The following RORA variants were observed in gnomAD, a reference collection of about 807,000 sequenced individuals.
RORA encodes RAR related orphan receptor A.
In RORA, 7 loss-of-function variants were observed where a neutral mutation model predicts 69.5. That is an observed-to-expected ratio of 0.10 (90% CI 0.06 to 0.19). RORA has a LOEUF of 0.19. Ranked by LOEUF, RORA falls within the 10% of genes least tolerant of loss-of-function variation. The pLI is 1.00. For synonymous variants in RORA, 261 were observed against 240.8 expected (o/e 1.08, Z -0.78); for missense variants, 457 against 663.0 (o/e 0.69, Z 3.41).
At chr15:61,068,823 A>T (rs2078299897) in intron 1 of RORA, among the ~76,000 whole-genome samples, 2 of 152,222 alleles carry the variant, frequency 1.3e-5, no homozygotes, top group Non-Finnish European at 2.9e-5. Flanking sequence ...ACAAGCAGTT[A>T]AAACCATTTC....
At chr15:61,060,372 A>T (rs766210777) in intron 1 of RORA, among the ~76,000 whole-genome samples, 6 of 152,170 alleles carry the variant, frequency 3.9e-5, no homozygotes, top group Non-Finnish European at 7.4e-5. Flanking sequence ...GAGTTAATGC[A>T]TTGCAGGAAC....
At chr15:60,542,789 T>C (rs551817864) in intron 2 of RORA, among the ~76,000 whole-genome samples, 1 of 151,916 alleles carries the variant, frequency 6.6e-6, no homozygotes, top group Admixed American at 6.6e-5. Flanking sequence ...CTGCAAGTCC[T>C]GCCTCCACTT....
intron 2 of RORA, among the ~76,000 whole-genome samples, chr15:60,636,183 C>T (rs1470426674): frequency 6.6e-6 from 1 of 152,198 alleles, no homozygotes; most frequent in East Asian, 1.9e-4. Context: ...CACTTCTTCC[C>T]TTTCCTGAAC....
At chr15:60,710,056 T>C (rs374803544) in intron 1 of RORA, among the ~76,000 whole-genome samples, 3 of 152,136 alleles carry the variant, frequency 2.0e-5, no homozygotes, top group African/African-American at 7.2e-5. Context: ...GTTTTTACCT[T>C]GGTTTCACTG....
intron 1 of RORA, among the ~76,000 whole-genome samples, chr15:61,008,453 C>T (rs1425338029): frequency 2.6e-5 from 4 of 151,998 alleles, no homozygotes; most frequent in Non-Finnish European, 4.4e-5. Flanking sequence ...TGATCAAGAA[C>T]GCATGAACAG....
At chr15:61,024,533 C>CG (rs1319373045) in intron 1 of RORA, among the ~76,000 whole-genome samples, 2 of 151,488 alleles carry the variant, frequency 1.3e-5, no homozygotes, top group Non-Finnish European at 2.9e-5. Flanking sequence ...TCATTGTAAC[C>CG]TCCACCTCCT....
intron 1 of RORA, among the ~76,000 whole-genome samples, chr15:60,931,490 G>T (rs1410345569): frequency 6.6e-6 from 1 of 152,242 alleles, no homozygotes; most frequent in Non-Finnish European, 1.5e-5. Flanking sequence ...CCAGACTCCT[G>T]CAGTCTTTCA....
At chr15:60,581,630 CT>C (rs1426214923) in intron 2 of RORA, among the ~76,000 whole-genome samples, 3 of 152,300 alleles carry the variant, frequency 2.0e-5, no homozygotes, top group African/African-American at 7.2e-5. Context: ...ATCAGATTTT[CT>C]TTTCAAACTC....
chr15:60,995,603 A>C (rs1894509048), intron 1 of RORA, among the ~76,000 whole-genome samples: 1 of 152,220 alleles, frequency 6.6e-6, no homozygotes, highest in Non-Finnish European at 1.5e-5. Context: ...GTTTGAGCAC[A>C]GATCTGATAG....
At position 60,515,937 on chromosome 15, in the gene RORA, ATTTATATATATTTATATATT is replaced by A; in HGVS notation, c.283-1200_283-1181del. Among the ~76,000 whole-genome samples the A allele has an allele frequency of 1.8e-4, 3 of 17,120 alleles. 1 individual carries two copies. The highest frequency in any genetic ancestry group is 0.083 in the Middle Eastern group (2 of 24). 11.2% of individuals were successfully genotyped at this position (17,120 alleles called of 152,430 possible). Reference sequence around the variant, plus strand: ...TATTTATATATATATTTATATATATATTTATATATATTTATATATTTATATTTATATATATTTATATATTT... The same window carrying A: ...TATTTATATATATATTTATATATATATATATTTATATATATTTATATATTT... On this transcript the variant is annotated intron_variant, in intron 3 of 10. Transcript: ENST00000335670.
intron 1 of RORA, among the ~76,000 whole-genome samples, chr15:60,810,915 G>A (rs1028353145): frequency 6.6e-6 from 1 of 152,186 alleles, no homozygotes; most frequent in Non-Finnish European, 1.5e-5. Context: ...TAATGGATTA[G>A]GCCATTTCCT....
Position 60,614,203 on chromosome 15 carries a change from A to G in RORA, c.196+64454T>C, listed in dbSNP as rs2069169742. Reference sequence around the variant, plus strand: ...CTACAATGCCTGTCGGTTGAAAAAGATAATATCTCAGGAAGTTAAGTACAG... The same window carrying G: ...CTACAATGCCTGTCGGTTGAAAAAGGTAATATCTCAGGAAGTTAAGTACAG... On this transcript the variant is annotated intron_variant, in intron 2 of 10. Coordinates refer to ENST00000335670, the MANE Select transcript of RORA (RefSeq NM_134261.3). Among the ~76,000 whole-genome samples the G allele has an allele frequency of 1.3e-5, 2 of 152,288 alleles. 1 individual carries two copies. Among genetic ancestry groups the G allele is most frequent in the Admixed American group, 1.3e-4 (2 of 15,302 alleles).
At chr15:60,895,669 C>T (rs1891214416) in intron 1 of RORA, among the ~76,000 whole-genome samples, 1 of 152,164 alleles carries the variant, frequency 6.6e-6, no homozygotes, top group South Asian at 2.1e-4. Flanking sequence ...TCATTCATGG[C>T]AAAGTCAGTG....
chr15:61,162,555 T>C (rs1173995356), intron 1 of RORA, among the ~76,000 whole-genome samples: 1 of 152,174 alleles, frequency 6.6e-6, no homozygotes, highest in East Asian at 1.9e-4. Flanking sequence ...CAGCCGTCCA[T>C]GGCCCTCTCT....
chr15:61,102,434 G>C (rs1432974422), intron 1 of RORA, among the ~76,000 whole-genome samples: 1 of 152,188 alleles, frequency 6.6e-6, no homozygotes, highest in Non-Finnish European at 1.5e-5. Flanking sequence ...TGCCCCAACT[G>C]TCAGAGCCAC....
rs551028497 is a variant in RORA at position 60,511,013 on chromosome 15, T to C, written c.820+213A>G. 6.6e-6 allele frequency among the ~76,000 whole-genome samples: 1 copy of C among 152,286 alleles called. No individual in the cohort carries two copies. The highest frequency in any genetic ancestry group is 2.4e-5 in the African/African-American group (1 of 41,564). On this transcript the variant is annotated intron_variant, in intron 5 of 10. Coordinates refer to ENST00000335670, the MANE Select transcript of RORA (RefSeq NM_134261.3). The surrounding 1 kb of genome is among the most constrained non-coding windows in gnomAD (Gnocchi z 6.4). ...GACTGCTTCCGTTGGTTTTGCCCCATTTCTAATGCTGAGAGGTCAATGCAT... is the reference window on the plus strand; with the variant it reads ...GACTGCTTCCGTTGGTTTTGCCCCACTTCTAATGCTGAGAGGTCAATGCAT...
Position 61,229,145 on chromosome 15 carries a change from C to T in RORA, c.74G>A (p.Gly25Asp). ...CTGGTTCAGCGGGGTCTCCCTGGAG[C>T]CGGCGGCCGCGTCCGCGCCGCTGCT... Reference protein sequence around the residue: ...PGSSGADAAAGSRETPLNQES... With the variant: ...PGSSGADAAADSRETPLNQES... Residue 25 changes from glycine to aspartate, a missense_variant, in exon 1 of 11, where the codon GGC (glycine) becomes GAC (aspartate). Physicochemically the swap from Gly to Asp is moderately conservative, Grantham distance 94 (BLOSUM62 -1). Coordinates refer to ENST00000335670, the MANE Select transcript of RORA (RefSeq NM_134261.3). 1 of 1,543,544 alleles carries T rather than the reference C, an allele frequency of 6.5e-7. No homozygotes were observed. The highest frequency in any genetic ancestry group is 1.4e-5 in the African/African-American group (1 of 72,164).
At chr15:60,882,199 G>A (rs1484155131) in intron 1 of RORA, among the ~76,000 whole-genome samples, 4 of 152,080 alleles carry the variant, frequency 2.6e-5, no homozygotes, top group Admixed American at 1.3e-4. Flanking sequence ...CACTAGACAC[G>A]GAATTATAGT....
At chr15:61,228,457 G>A (rs1044889368) in intron 1 of RORA, among the ~76,000 whole-genome samples, 7 of 151,828 alleles carry the variant, frequency 4.6e-5, no homozygotes, top group Non-Finnish European at 7.4e-5. Flanking sequence ...TCCAAAGAAG[G>A]TGTCCACGTC....
Sources: gnomAD v4.1 joint callset for allele counts (sites outside exome capture counted in the v4.1 genomes callset) on GRCh38, gnomAD v4.1.1 for gene constraint, Gnocchi (gnomAD v3.1) non-coding constraint, MANE v1.5 for transcripts, NCBI Gene and HGNC (gene_info 2026-07-23, HGNC 2026-07-21) for gene names.